KCNN2: variants seen among roughly 807,000 people sequenced by gnomAD.
KCNN2 encodes small conductance calcium-activated potassium channel protein 2.
KCNN2 carries 24 observed loss-of-function variants against 55.5 expected under a neutral mutation model. That is an observed-to-expected ratio of 0.43 (90% CI 0.31 to 0.61). The LOEUF is 0.61. KCNN2 is among the 20% of genes least tolerant of loss of function. The pLI is 0.08. For missense variants in KCNN2, 754 were observed against 853.6 expected, an observed-to-expected ratio of 0.88 and a Z score of 1.45; for synonymous variants, 431 against 336.1, an observed-to-expected ratio of 1.28 and a Z score of -3.09.
At position 114,404,447 on chromosome 5, in the gene KCNN2, G is replaced by A. The variant is rs752777779; in HGVS notation, c.1228G>A (p.Val410Met). ...YHAREIQLFM[V>M]DNGADDWRIA... ...TACTTTATTTTTTCAGTTGTTCATG[G>A]TGGACAATGGAGCAGATGACTGGAG... Residue 410 changes from valine to methionine, a missense_variant, in exon 3 of 8, where the codon GTG becomes ATG. By Grantham distance (21) the Val-to-Met change is conservative. Coordinates refer to ENST00000673685, the MANE Select transcript of KCNN2 (RefSeq NM_021614.4). The A allele has an allele frequency of 6.2e-7, 1 of 1,611,368 alleles. No homozygotes were observed.
intron 2 of KCNN2, among the ~76,000 whole-genome samples, chr5:114,287,914 A>C (rs1406706103): frequency 1.3e-5 from 2 of 152,152 alleles, no homozygotes; most frequent in African/African-American, 4.8e-5. Flanking sequence ...TGATTATTTT[A>C]TTTCTAAATT....
intron 2 of KCNN2, among the ~76,000 whole-genome samples, chr5:114,302,375 G>T (rs1756183660): frequency 6.6e-6 from 1 of 151,968 alleles, no homozygotes; most frequent in Non-Finnish European, 1.5e-5. Context: ...TATATTCAAG[G>T]TATTGTATTA....
intron 2 of KCNN2, among the ~76,000 whole-genome samples, chr5:114,226,919 AAAG>A (rs1452043685): frequency 6.6e-6 from 1 of 151,318 alleles, no homozygotes; most frequent in Non-Finnish European, 1.5e-5. Context: ...AAAAAAAAAA[AAAG>A]AAATATTGAT....
intron 1 of KCNN2, among the ~76,000 whole-genome samples, chr5:114,159,781 T>C (rs1391253206): frequency 2.0e-5 from 3 of 152,240 alleles, no homozygotes; most frequent in Non-Finnish European, 4.4e-5. Flanking sequence ...ATTTTCTAGT[T>C]TATTTGCGTA....
At chr5:114,388,762 A>G (rs1758361081) in intron 2 of KCNN2, among the ~76,000 whole-genome samples, 1 of 152,272 alleles carries the variant, frequency 6.6e-6, no homozygotes, top group East Asian at 1.9e-4. Context: ...TAGGCTGACC[A>G]TCATTTTGTT....
chr5:114,486,648 T>A (rs1210574784), intron 5 of KCNN2: 1 of 920,892 alleles, frequency 1.1e-6, no homozygotes, highest in East Asian at 6.1e-5. Context: ...CAAGCAGGCT[T>A]GCAAAGGACA....
Position 114,363,033 on chromosome 5 carries a change from C to T in KCNN2, c.894C>T (p.Gly298=), listed in dbSNP as rs571784244. Residue 298 remains glycine (G), a synonymous_variant, in exon 1 of 8, where the codon GGC becomes GGT. Transcript: ENST00000673685. Reference sequence around the variant, plus strand: ...ACCTGGCGCTCTATGGAACCGGCGGCGGAGGCAGCACTGGAGGAGGCGGCG... The same window carrying T: ...ACCTGGCGCTCTATGGAACCGGCGGTGGAGGCAGCACTGGAGGAGGCGGCG... The part of the protein sequence containing the change: ...SNNLALYGTG[G]GGSTGGGGGG... 5.7e-5 allele frequency: 92 copies of T among 1,604,210 alleles called. No homozygotes were observed. Among genetic ancestry groups the T allele is most frequent in the Non-Finnish European group, 7.7e-5 (91 of 1,177,286 alleles).
At chr5:114,088,004 T>C (rs916450615) in intron 1 of KCNN2, among the ~76,000 whole-genome samples, 13 of 152,158 alleles carry the variant, frequency 8.5e-5, no homozygotes. Context: ...GCAGATTCTA[T>C]CTGATATTTT....
chr5:114,439,588 T>C (rs1381720090), intron 3 of KCNN2, among the ~76,000 whole-genome samples: 1 of 152,136 alleles, frequency 6.6e-6, no homozygotes, highest in Admixed American at 6.6e-5. Context: ...GGCCCAGGAA[T>C]CAGGGTTTTA....
intron 1 of KCNN2, among the ~76,000 whole-genome samples, chr5:114,142,328 C>T (rs1372438830): frequency 6.6e-6 from 1 of 152,048 alleles, no homozygotes; most frequent in Non-Finnish European, 1.5e-5. Context: ...AGGAAGGGAT[C>T]CAGTTTCAGC....
chr5:114,147,210 G>A (rs901448572), intron 1 of KCNN2, among the ~76,000 whole-genome samples: 3 of 152,116 alleles, frequency 2.0e-5, no homozygotes, highest in Admixed American at 2.0e-4. Context: ...AGTAAGTTTT[G>A]GTAGAATCCA....
chr5:114,473,057 G>A lies in KCNN2; in HGVS notation c.1783G>A (p.Ala595Thr). The change falls in exon 5 of 8, where the codon GCT becomes ACT. Residue 595 changes from alanine (A) to threonine (T), a missense_variant. Transcript: ENST00000673685. ...TCTCTTCTCTCCTTGTTTTCAGGGT[G>A]CTGGTTGCACAGCCCTGGTGGTAGC... Reference protein sequence around the residue: ...GVCLLTGIMGAGCTALVVAVV... With the variant: ...GVCLLTGIMGTGCTALVVAVV... The A allele has an allele frequency of 1.2e-6, 2 of 1,603,050 alleles. No individual in the cohort carries two copies. The highest frequency in any genetic ancestry group is 1.7e-6 in the Non-Finnish European group (2 of 1,172,818).
intron 1 of KCNN2, among the ~76,000 whole-genome samples, chr5:114,163,338 G>T (rs1752834847): frequency 6.6e-6 from 1 of 152,190 alleles, no homozygotes; most frequent in Non-Finnish European, 1.5e-5. Flanking sequence ...TTGAATAGGA[G>T]TGGTGAGAAA....
chr5:114,456,689 G>A (rs1005339607), intron 3 of KCNN2, among the ~76,000 whole-genome samples: 6 of 152,132 alleles, frequency 3.9e-5, no homozygotes, highest in Non-Finnish European at 5.9e-5. Flanking sequence ...CAGGGAAGGA[G>A]GTCAAAATAG....
At chr5:114,061,516 C>G (rs968692515) in intron 1 of KCNN2, among the ~76,000 whole-genome samples, 10 of 152,116 alleles carry the variant, frequency 6.6e-5, no homozygotes, top group Non-Finnish European at 1.3e-4. Context: ...TCATGCAGGA[C>G]ACTGCCATGA....
intron 1 of KCNN2, among the ~76,000 whole-genome samples, chr5:114,160,298 A>T (rs570506160): frequency 6.6e-6 from 1 of 152,260 alleles, no homozygotes; most frequent in South Asian, 2.1e-4. Context: ...TTCAGTTTCC[A>T]TGTAGTTGAG....
rs374572826 is a variant in KCNN2, at chr5:114,162,995, C to T, written c.-270-58485C>T. On this transcript the variant is annotated intron_variant, in intron 1 of 10. Transcript: ENST00000512097. ...CCTGCTTCGGCTCATGCACGGTGCA[C>T]TGCACCCACTGTTCTGCACCCACTG... Among the ~76,000 whole-genome samples the T allele has an allele frequency of 2.6e-5, 4 of 152,158 alleles. No homozygotes were observed. The East Asian group carries it at 7.7e-4, about 29-fold the overall frequency.
Position 114,485,350 on chromosome 5 carries a change from CTCTT to C in KCNN2, c.1891-1697_1891-1694del, listed in dbSNP as rs1403132237. On this transcript the variant is annotated intron_variant, in intron 5 of 7. Coordinates refer to ENST00000673685, the MANE Select transcript of KCNN2 (RefSeq NM_021614.4). ...CAGTTGCTTAGAGATCTGAGACTCT[CTCTT>C]TCCTCACAGGGAAAGGCTATTCCAA... Among the ~76,000 whole-genome samples the C allele has an allele frequency of 2.0e-5, 3 of 152,170 alleles. No homozygotes were observed. In the East Asian group the frequency reaches 5.8e-4, roughly 29 times the overall value.
intron 2 of KCNN2, among the ~76,000 whole-genome samples, chr5:114,386,181 TAA>T (rs35485329): frequency 3.6e-4 from 36 of 100,912 alleles, no homozygotes; most frequent in South Asian, 6.4e-4. Flanking sequence ...AGACTCTGTC[TAA>T]AAAAAAAAAA....
Sources: gnomAD v4.1 joint callset for allele counts (sites outside exome capture counted in the v4.1 genomes callset) on GRCh38, gnomAD v4.1.1 for gene constraint, MANE v1.5 for transcripts, NCBI Gene and HGNC (gene_info 2026-07-23, HGNC 2026-07-21) for gene names.